ELOVL6: variants seen among roughly 807,000 people sequenced by gnomAD.
ELOVL6 encodes ELOVL fatty acid elongase 6.
A neutral mutation model predicts 31.7 loss-of-function variants in ELOVL6; 8 were observed. The ratio of observed to expected loss-of-function variants is 0.25; its 90% CI spans 0.15 to 0.45. The LOEUF (loss-of-function observed/expected upper bound fraction) is 0.45. Ranked by LOEUF, ELOVL6 falls within the 20% of genes least tolerant of loss-of-function variation. The probability of loss-of-function intolerance (pLI) is 1.00; values close to 1 mark genes in which losing one functional copy is unlikely to be tolerated. For synonymous variants in ELOVL6, 101 were observed against 117.7 expected, an observed-to-expected ratio of 0.86 and a Z score of 0.92; for missense variants, 126 against 326.4, an observed-to-expected ratio of 0.39 and a Z score of 4.73.
intron 1 of ELOVL6, among the ~76,000 whole-genome samples, chr4:110,112,733 G>A (rs1198924201): frequency 6.6e-6 from 1 of 151,930 alleles, no homozygotes; most frequent in Non-Finnish European, 1.5e-5. Context: ...ACTTAGCTGG[G>A]TGTGGTGGTA....
At chr4:110,084,210 A>T (rs545117805) in intron 2 of ELOVL6, among the ~76,000 whole-genome samples, 8,905 of 69,094 alleles carry the variant, frequency 0.13, 1,358 homozygotes, top group East Asian at 0.27. Flanking sequence ...GATATATATA[A>T]CATATAACTT....
At chr4:110,129,581 G>A (rs1201401248) in intron 1 of ELOVL6, among the ~76,000 whole-genome samples, 3 of 152,168 alleles carry the variant, frequency 2.0e-5, no homozygotes, top group African/African-American at 7.2e-5. Flanking sequence ...TGGGGCTTCT[G>A]GGAAAGGTTT....
intron 2 of ELOVL6, among the ~76,000 whole-genome samples, chr4:110,084,029 TATATGG>T (rs1560813608): frequency 0.011 from 167 of 15,448 alleles, no homozygotes; most frequent in East Asian, 0.02. Context: ...ACATATGCCA[TATATGG>T]TATATAACAC....
chr4:110,084,582 ATATATATTTTTTTTTT>A (rs1263998648), intron 2 of ELOVL6, among the ~76,000 whole-genome samples: 4,265 of 54,432 alleles, frequency 0.078, 182 homozygotes, highest in African/African-American at 0.11. Flanking sequence ...ATATATATAT[ATATATATTTTTTTTTT>A]TTTTTTTTTT....
At chr4:110,064,148 A>T (rs74991610) in intron 2 of ELOVL6, among the ~76,000 whole-genome samples, 4,535 of 152,176 alleles carry the variant, frequency 0.03, 119 homozygotes, top group East Asian at 0.11. Context: ...GTCAAAGCCA[A>T]ATGAAATCAG....
rs1254068204 is a variant in ELOVL6, at chr4:110,082,170, G to A, written c.222-22416C>T. Among the ~76,000 whole-genome samples the A allele has an allele frequency of 8.6e-5, 13 of 151,500 alleles. No homozygotes were observed. In the South Asian group the frequency reaches 2.5e-3, roughly 29 times the overall value. On this transcript the variant is annotated intron_variant, in intron 2 of 3. Coordinates refer to ENST00000302274, the MANE Select transcript of ELOVL6 (RefSeq NM_024090.3). ...GGGACTGTAAACTAGTTCAACCATCGTGGAAGTCAGTGTGGCGATTCCTCA... is the reference window on the plus strand; with the variant it reads ...GGGACTGTAAACTAGTTCAACCATCATGGAAGTCAGTGTGGCGATTCCTCA...
chr4:110,077,839 G>GA (rs1560809354), intron 2 of ELOVL6, among the ~76,000 whole-genome samples: 1 of 151,884 alleles, frequency 6.6e-6, no homozygotes, highest in Non-Finnish European at 1.5e-5. Flanking sequence ...TAAAAACCTT[G>GA]AAAAAAAATT....
chr4:110,084,403 T>TATGACATACATGATATGAC (rs1560815221), intron 2 of ELOVL6, among the ~76,000 whole-genome samples: 2 of 20,112 alleles, frequency 9.9e-5, no homozygotes, highest in Admixed American at 5.9e-4. Flanking sequence ...TGATATATGA[T>TATGACATACATGATATGAC]ATATGACATA....
chr4:110,176,178 T>TTTA (rs1560858164), intron 1 of ELOVL6, among the ~76,000 whole-genome samples: 4 of 104,610 alleles, frequency 3.8e-5, no homozygotes, highest in East Asian at 4.4e-4. Context: ...TTATTTATTT[T>TTTA]TTGAGATGGA....
intron 1 of ELOVL6, among the ~76,000 whole-genome samples, chr4:110,193,010 T>C (rs1578293946): frequency 6.6e-6 from 1 of 152,176 alleles, no homozygotes; most frequent in Non-Finnish European, 1.5e-5. Context: ...CTCTGTTCCA[T>C]AGTCACAGAT....
At chr4:110,140,563 A>AT (rs1480598780) in intron 1 of ELOVL6, among the ~76,000 whole-genome samples, 2 of 151,848 alleles carry the variant, frequency 1.3e-5, no homozygotes, top group African/African-American at 4.8e-5. Context: ...CTTCTTTTTA[A>AT]TTTTTTAAAA....
intron 1 of ELOVL6, among the ~76,000 whole-genome samples, chr4:110,130,017 C>G (rs1757623729): frequency 6.6e-6 from 1 of 150,932 alleles, no homozygotes; most frequent in Non-Finnish European, 1.5e-5. Context: ...CCTGCCTCAG[C>G]CTCCTGAGTA....
intron 3 of ELOVL6, among the ~76,000 whole-genome samples, chr4:110,053,204 C>T (rs573484538): frequency 2.0e-5 from 3 of 152,184 alleles, no homozygotes; most frequent in South Asian, 2.1e-4. Flanking sequence ...CGTGAGCCAC[C>T]GCCCTGAGAA....
intron 1 of ELOVL6, among the ~76,000 whole-genome samples, chr4:110,180,150 A>G (rs753747424): frequency 6.6e-6 from 1 of 152,196 alleles, no homozygotes; most frequent in Non-Finnish European, 1.5e-5. Flanking sequence ...ATAGTTTTCT[A>G]TTGTGAGTGT....
intron 1 of ELOVL6, among the ~76,000 whole-genome samples, chr4:110,171,992 T>C (rs915199027): frequency 2.4e-4 from 36 of 152,248 alleles, no homozygotes; most frequent in African/African-American, 7.7e-4. Context: ...CCCAGACTTA[T>C]AACATCCTTT....
At chr4:110,052,388 A>G (rs1560797732) in intron 3 of ELOVL6, among the ~76,000 whole-genome samples, 2 of 152,250 alleles carry the variant, frequency 1.3e-5, no homozygotes, top group Non-Finnish European at 2.9e-5. Flanking sequence ...AAACCTAAAC[A>G]AAAGACAGAA....
intron 1 of ELOVL6, among the ~76,000 whole-genome samples, chr4:110,196,633 G>C (rs968600): frequency 3.3e-5 from 5 of 152,214 alleles, no homozygotes; most frequent in Non-Finnish European, 7.4e-5. Context: ...CCCTGTGCCT[G>C]TGTGGCTGCT....
chr4:110,051,086 G>A lies in ELOVL6; in HGVS notation c.*252C>T. 1 of 492,878 alleles carries A rather than the reference G, an allele frequency of 2.0e-6. No individual in the cohort carries two copies. The highest frequency in any genetic ancestry group is 3.7e-6 in the Non-Finnish European group (1 of 273,406). 30.5% of individuals were successfully genotyped at this position (492,878 alleles called of 1,614,324 possible). On this transcript the variant is annotated 3_prime_UTR_variant, in exon 4 of 4. Coordinates refer to ENST00000302274, the MANE Select transcript of ELOVL6 (RefSeq NM_024090.3). The surrounding 1 kb of genome is among the most constrained non-coding windows in gnomAD (Gnocchi z 4.8). ...GTTCTCCCTTGTCCTAGAGTTGATA[G>A]ATAAAGAGGGAATGGGGTCTTCCAG... is the stretch of plus-strand genomic sequence containing the variant.
intron 2 of ELOVL6, among the ~76,000 whole-genome samples, chr4:110,084,200 GATATATATAACATATAACTTATATGAT>G (rs1560814507): frequency 0.073 from 4,746 of 65,060 alleles, 432 homozygotes; most frequent in East Asian, 0.19. Context: ...TAACTTATAT[GATATATATAACATATAACTTATATGAT>G]ATATATAACA....
Sources: gnomAD v4.1 joint callset for allele counts (sites outside exome capture counted in the v4.1 genomes callset) on GRCh38, gnomAD v4.1.1 for gene constraint, Gnocchi (gnomAD v3.1) non-coding constraint, MANE v1.5 for transcripts, NCBI Gene and HGNC (gene_info 2026-07-23, HGNC 2026-07-21) for gene names.